The following C12orf42 variants were observed in gnomAD, a reference collection of about 807,000 sequenced individuals.
C12orf42 encodes the protein uncharacterized protein C12orf42.
A neutral mutation model predicts 21.6 loss-of-function variants in C12orf42; 25 were observed. The ratio of observed to expected loss-of-function variants is 1.16; its 90% CI spans 0.84 to 1.62. C12orf42 has a LOEUF of 1.62. Among genes scored for constraint, C12orf42 ranks in the 40% most tolerant of loss-of-function variants. C12orf42 has a pLI of 0.00. For missense variants in C12orf42, 483 were observed against 459.3 expected (o/e 1.05, Z -0.47); for synonymous variants, 174 against 175.0 (o/e 0.99, Z 0.05).
At chr12:103,268,710 T>C (rs2136247489) in exon 7 of C12orf42, 1 of 152,246 alleles carries the variant, frequency 6.6e-6, no homozygotes, top group Non-Finnish European at 1.5e-5. Flanking sequence ...TAGAAGGCAA[T>C]TGATAATAAG....
chr12:103,352,138 T>C lies in C12orf42; in HGVS notation c.259+16749A>G, dbSNP rs140323418. Among the ~76,000 whole-genome samples the C allele has an allele frequency of 3.3e-3, 507 of 152,264 alleles. 13 individuals carry two copies. Among genetic ancestry groups the C allele is most frequent in the Admixed American group, 0.03 (452 of 15,270 alleles). On this transcript the variant is annotated intron_variant, in intron 4 of 5. Coordinates refer to ENST00000548883, the MANE Select transcript of C12orf42 (RefSeq NM_198521.5). ...CTTCTTCTCTTACTCTTGGAATTTTTCCTGTTCCTCTGTTTCCCTGGTTCT... is the reference window on the plus strand; with the variant it reads ...CTTCTTCTCTTACTCTTGGAATTTTCCCTGTTCCTCTGTTTCCCTGGTTCT...
chr12:103,440,862 T>C (rs1311531720), intron 2 of C12orf42, among the ~76,000 whole-genome samples: 6 of 152,298 alleles, frequency 3.9e-5, no homozygotes, highest in Non-Finnish European at 5.9e-5. Flanking sequence ...CCTCTGACCA[T>C]GGAACCTTTC....
chr12:103,255,771 G>C (rs529011751), intron 10 of C12orf42, among the ~76,000 whole-genome samples: 213 of 151,682 alleles, frequency 1.4e-3, no homozygotes, highest in African/African-American at 4.8e-3. Flanking sequence ...AGAATATATG[G>C]CCGGGCGCGA....
chr12:103,509,582 C>A, the C12orf42 span, among the ~76,000 whole-genome samples: 1 of 152,134 alleles, frequency 6.6e-6, no homozygotes, highest in East Asian at 1.9e-4. Flanking sequence ...GTACTAGATA[C>A]TGCACATGGT....
chr12:103,293,826 G>T (rs771075039), intron 4 of C12orf42, among the ~76,000 whole-genome samples: 7 of 152,048 alleles, frequency 4.6e-5, no homozygotes, highest in Admixed American at 6.6e-5. Context: ...GTTCAGTTTG[G>T]CTCATAATTG....
At chr12:103,277,927 T>G (rs2035870520) in intron 4 of C12orf42, among the ~76,000 whole-genome samples, 1 of 152,166 alleles carries the variant, frequency 6.6e-6, no homozygotes, top group Non-Finnish European at 1.5e-5. Context: ...TGAGCACAAT[T>G]TTTTAATTCT....
the C12orf42 span, among the ~76,000 whole-genome samples, chr12:103,135,379 G>T: frequency 6.6e-6 from 1 of 151,602 alleles, no homozygotes; most frequent in Non-Finnish European, 1.5e-5. Flanking sequence ...GATGGCTTCA[G>T]CCCCAAAGCG....
the C12orf42 span, among the ~76,000 whole-genome samples, chr12:103,524,973 CA>C: frequency 1.3e-4 from 4 of 29,898 alleles, no homozygotes; most frequent in East Asian, 5.8e-4. Flanking sequence ...GGGGGGGGGG[CA>C]GGGGGGCAGG....
intron 2 of C12orf42, among the ~76,000 whole-genome samples, chr12:103,433,902 G>C (rs1229122089): frequency 2.0e-5 from 3 of 152,180 alleles, no homozygotes; most frequent in East Asian, 1.9e-4. Context: ...TTTAGATATG[G>C]ATATAAATAG....
At chr12:103,514,431 AAGAGC>A in the C12orf42 span, among the ~76,000 whole-genome samples, 4 of 152,274 alleles carry the variant, frequency 2.6e-5, no homozygotes, top group Admixed American at 2.0e-4. Context: ...GGAAGACGGG[AAGAGC>A]TAATGCAAAA....
At chr12:103,257,898 T>C (rs964201239) in intron 10 of C12orf42, among the ~76,000 whole-genome samples, 13 of 151,866 alleles carry the variant, frequency 8.6e-5, no homozygotes, top group Non-Finnish European at 1.3e-4. Context: ...GAATGACCAA[T>C]ATCAAAAAAA....
At chr12:103,227,036 C>T in the C12orf42 span, among the ~76,000 whole-genome samples, 10 of 152,034 alleles carry the variant, frequency 6.6e-5, no homozygotes, top group Non-Finnish European at 1.0e-4. Context: ...TGGGGTCAAG[C>T]GGCATTGCAG....
chr12:103,251,517 C>T (rs1482440637), intron 10 of C12orf42, among the ~76,000 whole-genome samples: 1 of 152,052 alleles, frequency 6.6e-6, no homozygotes, highest in Non-Finnish European at 1.5e-5. Context: ...AGTCTGTAAC[C>T]CAAGGGTTTT....
chr12:103,314,906 T>C (rs1469480938), intron 4 of C12orf42, among the ~76,000 whole-genome samples: 1 of 152,156 alleles, frequency 6.6e-6, no homozygotes, highest in East Asian at 1.9e-4. Flanking sequence ...TACCTTATCA[T>C]CACACCAACA....
chr12:103,554,576 C>CA, the C12orf42 span, among the ~76,000 whole-genome samples: 570 of 138,812 alleles, frequency 4.1e-3, 2 homozygotes, highest in African/African-American at 0.011. Flanking sequence ...TAATTTATTA[C>CA]AAAAAAAAAA....
intron 4 of C12orf42, among the ~76,000 whole-genome samples, chr12:103,294,440 A>AAGGAG (rs2037040951): frequency 8.2e-6 from 1 of 122,538 alleles, no homozygotes; most frequent in African/African-American, 3.7e-5. Context: ...GAAAGAAAGA[A>AAGGAG]AGAAAGAAAG....
chr12:103,177,122 G>GA, the C12orf42 span, among the ~76,000 whole-genome samples: 33 of 149,784 alleles, frequency 2.2e-4, no homozygotes, highest in South Asian at 2.1e-3. Context: ...AAGGCAAATG[G>GA]AAAAAAAAAA....
chr12:103,343,727 T>G (rs1282468278), intron 4 of C12orf42, among the ~76,000 whole-genome samples: 1 of 138,148 alleles, frequency 7.2e-6, no homozygotes, highest in Non-Finnish European at 1.5e-5. Context: ...TGAGCCAAGA[T>G]CACACCATTG....
the C12orf42 span, among the ~76,000 whole-genome samples, chr12:103,176,496 A>G: frequency 1.3e-5 from 2 of 152,210 alleles, no homozygotes; most frequent in South Asian, 4.1e-4. Context: ...TAAATGTTCA[A>G]TAATGAATGG....
Sources: gnomAD v4.1 joint callset for allele counts (sites outside exome capture counted in the v4.1 genomes callset) on GRCh38, gnomAD v4.1.1 for gene constraint, MANE v1.5 for transcripts, NCBI Gene and HGNC (gene_info 2026-07-23, HGNC 2026-07-21) for gene names.